ARHGAP15: variants seen among roughly 807,000 people sequenced by gnomAD.
ARHGAP15 encodes rho GTPase-activating protein 15.
Under a neutral mutation model 63.7 loss-of-function variants are expected in ARHGAP15, and 51 were observed. That is an observed-to-expected ratio of 0.80 (90% CI 0.64 to 1.01). ARHGAP15 has a LOEUF of 1.01. Among genes scored for constraint, ARHGAP15 ranks in the 50% least tolerant of loss-of-function variants. ARHGAP15 has a pLI of 0.00. For synonymous variants in ARHGAP15, 191 were observed against 193.8 expected (o/e 0.99, Z 0.12); for missense variants, 560 against 564.6 (o/e 0.99, Z 0.08).
intron 8 of ARHGAP15, among the ~76,000 whole-genome samples, chr2:143,452,237 T>G (rs1179870979): frequency 6.6e-6 from 1 of 152,004 alleles, no homozygotes; most frequent in African/African-American, 2.4e-5. Context: ...AATAGCCATT[T>G]TATAAGTTGT....
intron 8 of ARHGAP15, among the ~76,000 whole-genome samples, chr2:143,483,757 T>C (rs2105219111): frequency 1.3e-5 from 2 of 152,336 alleles, no homozygotes; most frequent in Middle Eastern, 6.8e-3. Context: ...CTTCCAACTA[T>C]ACAATTTTGA....
At chr2:143,334,177 T>C (rs955392750) in intron 6 of ARHGAP15, among the ~76,000 whole-genome samples, 2 of 152,176 alleles carry the variant, frequency 1.3e-5, no homozygotes, top group African/African-American at 4.8e-5. Flanking sequence ...CTAGAAAATA[T>C]AGTTATATTT....
intron 6 of ARHGAP15, among the ~76,000 whole-genome samples, chr2:143,374,763 A>G (rs1378423975): frequency 6.6e-6 from 1 of 152,164 alleles, no homozygotes; most frequent in Non-Finnish European, 1.5e-5. Flanking sequence ...TTGGCTTCCC[A>G]AAGTTCTGGG....
At chr2:143,531,012 G>A (rs1274766686) in intron 10 of ARHGAP15, among the ~76,000 whole-genome samples, 1 of 152,178 alleles carries the variant, frequency 6.6e-6, no homozygotes, top group Non-Finnish European at 1.5e-5. Flanking sequence ...GTGAGGAGTG[G>A]ACAGTGCAGC....
In ARHGAP15 at chr2:143,532,792, A is replaced by G. The variant is rs149096461; in HGVS notation, c.925+13428A>G. ...TAATATTTAAAAAGATATTGTGTAG[A>G]TATACCAAAGGATCTATTTTAATAT... On this transcript the variant is annotated intron_variant, in intron 10 of 13. Transcript: ENST00000295095. Among the ~76,000 whole-genome samples the G allele has an allele frequency of 2.4e-3, 358 of 152,336 alleles. 2 individuals carry two copies. The highest frequency in any genetic ancestry group is 8.1e-3 in the African/African-American group (335 of 41,590).
chr2:143,620,844 C>T (rs895359553), intron 11 of ARHGAP15, among the ~76,000 whole-genome samples: 8 of 152,146 alleles, frequency 5.3e-5, no homozygotes, highest in East Asian at 3.8e-4. Context: ...TTATCGCTTT[C>T]GTTGCAAAGT....
intron 6 of ARHGAP15, among the ~76,000 whole-genome samples, chr2:143,379,426 T>C (rs1474595013): frequency 1.3e-5 from 2 of 151,246 alleles, no homozygotes; most frequent in Non-Finnish European, 2.9e-5. Context: ...TGACCCACAC[T>C]GACCATTCAT....
chr2:143,762,797 A>G (rs929978087), intron 13 of ARHGAP15, among the ~76,000 whole-genome samples: 3 of 152,144 alleles, frequency 2.0e-5, no homozygotes, highest in South Asian at 4.1e-4. Context: ...TTTCTCCAAA[A>G]CTTTTACTTT....
At chr2:143,645,052 C>T (rs1680803443) in intron 12 of ARHGAP15, among the ~76,000 whole-genome samples, 1 of 151,958 alleles carries the variant, frequency 6.6e-6, no homozygotes, top group Non-Finnish European at 1.5e-5. Flanking sequence ...ATGTATGATG[C>T]AAAATTCCTA....
intron 12 of ARHGAP15, among the ~76,000 whole-genome samples, chr2:143,634,348 C>G (rs774294371): frequency 5.3e-5 from 8 of 152,122 alleles, no homozygotes; most frequent in Non-Finnish European, 1.2e-4. Context: ...CCTGTCTCCA[C>G]CATTTACTAT....
chr2:143,502,814 A>C (rs1693127208), intron 9 of ARHGAP15, among the ~76,000 whole-genome samples: 1 of 152,092 alleles, frequency 6.6e-6, no homozygotes, highest in Non-Finnish European at 1.5e-5. Flanking sequence ...TCTTGACCTC[A>C]AGTGATCCAC....
chr2:143,732,323 G>A (rs1322463972), intron 13 of ARHGAP15, among the ~76,000 whole-genome samples: 1 of 151,990 alleles, frequency 6.6e-6, no homozygotes, highest in Non-Finnish European at 1.5e-5. Context: ...CTCATAGCAT[G>A]CATTTGGAAT....
At chr2:143,699,285 C>T (rs2105412504) in intron 12 of ARHGAP15, among the ~76,000 whole-genome samples, 1 of 152,184 alleles carries the variant, frequency 6.6e-6, no homozygotes, top group African/African-American at 2.4e-5. Flanking sequence ...ATAACCTTTT[C>T]AGAAGATTTT....
intron 6 of ARHGAP15, among the ~76,000 whole-genome samples, chr2:143,390,006 A>AT (rs1239932899): frequency 2.1e-5 from 3 of 144,058 alleles, no homozygotes; most frequent in South Asian, 2.4e-4. Flanking sequence ...CCAGTCCTTT[A>AT]TTAAAAAAAA....
At chr2:143,134,728 G>A (rs1016428525) in intron 1 of ARHGAP15, among the ~76,000 whole-genome samples, 7 of 149,154 alleles carry the variant, frequency 4.7e-5, no homozygotes, top group Admixed American at 2.0e-4. Context: ...TCGGCCTCCC[G>A]GGTTCATGCC....
At chr2:143,477,156 G>C (rs1464143757) in intron 8 of ARHGAP15, among the ~76,000 whole-genome samples, 1 of 151,510 alleles carries the variant, frequency 6.6e-6, no homozygotes, top group African/African-American at 2.4e-5. Flanking sequence ...TTTTTAATGA[G>C]AGCCAAATCA....
At chr2:143,647,703 T>G (rs1680955776) in intron 12 of ARHGAP15, among the ~76,000 whole-genome samples, 1 of 152,008 alleles carries the variant, frequency 6.6e-6, no homozygotes, top group African/African-American at 2.4e-5. Flanking sequence ...GTCAGAGCTC[T>G]TTTATCTCAA....
intron 10 of ARHGAP15, among the ~76,000 whole-genome samples, chr2:143,548,788 C>T (rs1695436105): frequency 1.3e-5 from 2 of 150,970 alleles, no homozygotes; most frequent in African/African-American, 4.9e-5. Context: ...AAAAGAAAAA[C>T]TTGTTGCAAT....
rs142525111 is a variant in ARHGAP15 at position 143,438,300 on chromosome 2, A to G, written c.703+1258A>G. On this transcript the variant is annotated intron_variant, in intron 8 of 13. Transcript: ENST00000295095. ...ATACACACGTATGTATGTATGCTAG[A>G]TGATTATTTGTACGTGTACATATAT... Among the ~76,000 whole-genome samples the G allele has an allele frequency of 8.9e-4, 136 of 152,284 alleles. No individual in the cohort carries two copies. In the East Asian group the frequency reaches 0.025, roughly 28 times the overall value.
Sources: allele counts gnomAD v4.1 joint callset (sites outside exome capture counted in the v4.1 genomes callset), GRCh38; gene constraint gnomAD v4.1.1; transcripts MANE v1.5; gene names NCBI Gene and HGNC (gene_info 2026-07-23, HGNC 2026-07-21).